BIRC6: variants seen among roughly 807,000 people sequenced by gnomAD.
BIRC6 encodes dual E2 ubiquitin-conjugating enzyme/E3 ubiquitin-protein ligase BIRC6.
In BIRC6, 98 loss-of-function variants were observed where a neutral mutation model predicts 503.3. The ratio of observed to expected loss-of-function variants is 0.19; its 90% CI spans 0.17 to 0.23. The LOEUF (loss-of-function observed/expected upper bound fraction) is 0.23. Ranked by LOEUF, BIRC6 falls within the 10% of genes least tolerant of loss-of-function variation. The probability of loss-of-function intolerance (pLI) is 1.00; values close to 1 mark genes in which losing one functional copy is unlikely to be tolerated. For missense variants in BIRC6, 5,360 were observed against 5,806.0 expected, an observed-to-expected ratio of 0.92 and a Z score of 2.50; for synonymous variants, 2,240 against 2,078.7, an observed-to-expected ratio of 1.08 and a Z score of -2.11.
In BIRC6 at chr2:32,479,634, T is replaced by C. The variant is rs762003415; in HGVS notation, c.7408+17T>C. 3.2e-6 allele frequency: 5 copies of C among 1,555,382 alleles called. No individual in the cohort carries two copies. The South Asian group carries it at 5.8e-5, about 18-fold the overall frequency. ...ACATAACAGGTAAAGTTTTACATTA[T>C]GTTTCTTCTTTATTCTATTAAATGG... On this transcript the variant is annotated intron_variant, in intron 37 of 73. Coordinates refer to ENST00000421745, the MANE Select transcript of BIRC6 (RefSeq NM_016252.4).
At chr2:32,590,712 G>A in intron 66 of BIRC6, 1 of 876,394 alleles carries the variant, frequency 1.1e-6, no homozygotes, top group Non-Finnish European at 1.4e-6. Flanking sequence ...TAACTAATTA[G>A]CTATTTAGTT....
chr2:32,558,472 A>G (rs1044018898), intron 65 of BIRC6, among the ~76,000 whole-genome samples: 24 of 152,180 alleles, frequency 1.6e-4, no homozygotes, highest in African/African-American at 5.8e-4. Context: ...CATTAATTTT[A>G]TAATCTAGTA....
In BIRC6 at chr2:32,571,720, A is replaced by G. The variant is rs78424670; in HGVS notation, c.13145-3436A>G. ...GCTTTTCAGTTTGCTGATGCTTTGT[A>G]TATTTTTGTTGTGGGGGGCTGTATT... On this transcript the variant is annotated intron_variant, in intron 65 of 73. Coordinates refer to ENST00000421745, the MANE Select transcript of BIRC6 (RefSeq NM_016252.4). 7.5e-3 allele frequency among the ~76,000 whole-genome samples: 1,144 copies of G among 151,922 alleles called. 17 individuals are homozygous for G. The highest frequency in any genetic ancestry group is 0.027 in the African/African-American group (1,099 of 41,438).
intron 38 of BIRC6, among the ~76,000 whole-genome samples, chr2:32,481,874 A>G (rs1343170336): frequency 6.6e-6 from 1 of 152,176 alleles, no homozygotes; most frequent in Non-Finnish European, 1.5e-5. Flanking sequence ...CACTAATGCA[A>G]CTCATTATTC....
At chr2:32,373,464 CAAGA>C (rs1428214765) in intron 1 of BIRC6, among the ~76,000 whole-genome samples, 24 of 152,136 alleles carry the variant, frequency 1.6e-4, no homozygotes, top group African/African-American at 5.8e-4. Flanking sequence ...GCAAGGAGGC[CAAGA>C]CCATTCATTG....
chr2:32,409,068 T>C lies in BIRC6; in HGVS notation c.1477+2511T>C, dbSNP rs186378608. On this transcript the variant is annotated intron_variant, in intron 9 of 73. Coordinates refer to ENST00000421745, the MANE Select transcript of BIRC6 (RefSeq NM_016252.4). ...TTCAGACTTATCAGAGCATATCCAA[T>C]TTGGTGGAAATCACAGTTCTAAGTG... Among the ~76,000 whole-genome samples the C allele has an allele frequency of 3.3e-5, 5 of 152,348 alleles. No individual in the cohort carries two copies. The East Asian group carries it at 9.6e-4, about 29-fold the overall frequency.
chr2:32,424,028 G>A (rs1054332373), intron 10 of BIRC6, among the ~76,000 whole-genome samples: 27 of 152,132 alleles, frequency 1.8e-4, no homozygotes, highest in African/African-American at 6.3e-4. Context: ...CCAAAGTGAA[G>A]CCGTTTTGAA....
Position 32,415,478 on chromosome 2 carries a change from G to T in BIRC6, c.2187G>T (p.Glu729Asp). 1 of 1,613,996 alleles carries T rather than the reference G, an allele frequency of 6.2e-7. No individual in the cohort carries two copies. Among genetic ancestry groups the T allele is most frequent in the Non-Finnish European group, 8.5e-7 (1 of 1,179,902 alleles). ...GGCTGCCAAAGTTTGCAGAGGAGGA[G>T]AATCTTTGTATAGACTCAATAACTC... is the stretch of plus-strand genomic sequence containing the variant. ...CLRLPKFAEE[E>D]NLCIDSITPC... The change falls in exon 10 of 74, where the codon GAG becomes GAT. Residue 729 changes from glutamate (E) to aspartate (D), a missense_variant. Transcript: ENST00000421745.
intron 4 of BIRC6, among the ~76,000 whole-genome samples, chr2:32,389,543 A>T (rs1204391755): frequency 6.6e-6 from 1 of 152,184 alleles, no homozygotes; most frequent in Non-Finnish European, 1.5e-5. Context: ...ATTAATTAAA[A>T]AACCAGTGAC....
intron 72 of BIRC6, among the ~76,000 whole-genome samples, chr2:32,607,916 G>A (rs937134267): frequency 4.5e-5 from 6 of 131,960 alleles, no homozygotes; most frequent in African/African-American, 1.7e-4. Flanking sequence ...AAGTTGCAGA[G>A]AGCTGAGACT....
rs752832162 is a variant in BIRC6 at position 32,464,596 on chromosome 2, C to T, written c.5029C>T (p.Pro1677Ser). 8.9e-5 allele frequency: 143 copies of T among 1,613,034 alleles called. No individual in the cohort carries two copies. The highest frequency in any genetic ancestry group is 6.6e-4 in the Middle Eastern group (4 of 6,084). Residue 1677 changes from proline (P) to serine (S), a missense_variant, in exon 25 of 74, where the codon CCT (proline) becomes TCT (serine). Around this residue, in one of 16 missense-constraint regions of BIRC6, gnomAD observed 2,299 missense variants for 2,267.2 expected, o/e 1.01. Coordinates refer to ENST00000421745, the MANE Select transcript of BIRC6 (RefSeq NM_016252.4). The part of the protein sequence containing the change: ...SAVGPVHNSV[P>S]SNPVAAPGFF... The stretch of plus-strand genomic sequence containing the variant: ...AGTAGGTCCTGTTCACAACTCTGTG[C>T]CTTCCAACCCAGTGGCTGCCCCTGG...
At chr2:32,547,483 T>G (rs1198002716) in intron 63 of BIRC6, among the ~76,000 whole-genome samples, 5 of 152,220 alleles carry the variant, frequency 3.3e-5, no homozygotes, top group African/African-American at 7.2e-5. Flanking sequence ...GCGTCTGTCT[T>G]CTTTCATTTA....
rs60252004 is a variant in BIRC6, at chr2:32,594,702, A to AGATGGATGGATG, written c.13502-313_13502-302dup. Among the ~76,000 whole-genome samples the AGATGGATGGATG allele has an allele frequency of 1.2e-3, 175 of 149,076 alleles. 1 individual carries two copies. Among genetic ancestry groups the AGATGGATGGATG allele is most frequent in the Non-Finnish European group, 2.2e-3 (149 of 67,596 alleles). On this transcript the variant is annotated intron_variant, in intron 67 of 73. Transcript: ENST00000421745. Reference sequence around the variant, plus strand: ...ACAGAGTAATACTCTGTTTCCAGATAGATGGATGGATGGATGGATGGATGG... The same window carrying AGATGGATGGATG: ...ACAGAGTAATACTCTGTTTCCAGATAGATGGATGGATGGATGGATGGATGGATGGATGGATGG...
chr2:32,545,628 C>T lies in BIRC6; in HGVS notation c.12593-15C>T. On this transcript the variant is annotated splice_polypyrimidine_tract_variant and intron_variant, in intron 62 of 73. Coordinates refer to ENST00000421745, the MANE Select transcript of BIRC6 (RefSeq NM_016252.4). ...ACTGTTTTTAATCTTGAGTCCTCTT[C>T]TTTCTTCAATCTAGGTCATATTCTT... 2 of 1,598,058 alleles carry T rather than the reference C, an allele frequency of 1.3e-6. No individual in the cohort carries two copies. The highest frequency in any genetic ancestry group is 2.2e-5 in the South Asian group (2 of 90,690).
Position 32,388,808 on chromosome 2 carries a change from T to C in BIRC6, c.704T>C (p.Ile235Thr), listed in dbSNP as rs771534918. The change falls in exon 4 of 74, where the codon ATT (isoleucine) becomes ACT (threonine). Residue 235 changes from isoleucine to threonine, a missense_variant. Physicochemically the swap from Ile to Thr is moderately conservative, Grantham distance 89. This residue lies in a region of BIRC6 where 134 missense variants were observed against 150.9 expected (regional missense o/e 0.89). Transcript: ENST00000421745. ...GTGTTGAAGTCCATTGCCAGTGCCA[T>C]TGTAAATGAACTCAAGAAAATAAAT... Reference protein sequence around the residue: ...HHVLKSIASAIVNELKKINQN... With the variant: ...HHVLKSIASATVNELKKINQN... 3.1e-6 allele frequency: 5 copies of C among 1,613,232 alleles called. No homozygotes were observed. Among genetic ancestry groups the C allele is most frequent in the South Asian group, 1.1e-5 (1 of 90,984 alleles).
At chr2:32,594,316 C>G (rs1349880178) in intron 67 of BIRC6, 2 of 306,880 alleles carry the variant, frequency 6.5e-6, no homozygotes, top group Non-Finnish European at 1.2e-5. Flanking sequence ...ATTTCTTCCC[C>G]CTGAAATTCA....
At chr2:32,458,384 C>T (rs2047471799) in intron 23 of BIRC6, among the ~76,000 whole-genome samples, 1 of 152,104 alleles carries the variant, frequency 6.6e-6, no homozygotes, top group Non-Finnish European at 1.5e-5. Flanking sequence ...AATATTGCTT[C>T]TGCTCTATTT....
rs2050527448 is a variant in BIRC6, at chr2:32,482,590, T to G, written c.7696+8T>G. 6.2e-7 allele frequency: 1 copy of G among 1,613,130 alleles called. No homozygotes were observed. The highest frequency in any genetic ancestry group is 1.3e-5 in the African/African-American group (1 of 74,888). On this transcript the variant is annotated splice_region_variant and intron_variant, in intron 39 of 73. Coordinates refer to ENST00000421745, the MANE Select transcript of BIRC6 (RefSeq NM_016252.4). Reference sequence around the variant, plus strand: ...GCGTTTCAGTCTCTCAGGGTAAGTGTATGTTTATATTTTAAGACATATGCT... The same window carrying G: ...GCGTTTCAGTCTCTCAGGGTAAGTGGATGTTTATATTTTAAGACATATGCT...
intron 13 of BIRC6, 77 bp downstream of exon 13, chr2:32,433,881 A>G (rs2044402456): frequency 8.1e-7 from 1 of 1,239,448 alleles, no homozygotes; most frequent in Non-Finnish European, 1.1e-6. Context: ...CACCTTGGCT[A>G]AGTTTCGTGT....
Sources: gnomAD v4.1 joint callset for allele counts (sites outside exome capture counted in the v4.1 genomes callset) on GRCh38, gnomAD v4.1.1 for gene constraint, gnomAD v4.1.1 regional missense constraint, MANE v1.5 for transcripts, NCBI Gene and HGNC (gene_info 2026-07-23, HGNC 2026-07-21) for gene names.